Variants in PTPRG observed in about 807,000 individuals in gnomAD.
PTPRG encodes receptor-type tyrosine-protein phosphatase gamma.
PTPRG carries 102 observed loss-of-function variants against 165.3 expected under a neutral mutation model. The ratio of observed to expected loss-of-function variants is 0.62; its 90% CI spans 0.53 to 0.73. The LOEUF (loss-of-function observed/expected upper bound fraction) is 0.73. PTPRG is among the 30% of genes least tolerant of loss of function. The pLI is 0.00. For synonymous variants in PTPRG, 675 were observed against 669.5 expected (o/e 1.01, Z -0.13); for missense variants, 1,866 against 1,861.4 (o/e 1.00, Z -0.05).
At chr3:61,830,528 C>A (rs74571053) in intron 2 of PTPRG, among the ~76,000 whole-genome samples, 2 of 149,852 alleles carry the variant, frequency 1.3e-5, no homozygotes, top group East Asian at 1.9e-4. Context: ...CTTCGACTTA[C>A]GACTTACTTA....
intron 1 of PTPRG, among the ~76,000 whole-genome samples, chr3:61,678,841 C>T (rs1055635513): frequency 2.0e-5 from 3 of 151,936 alleles, no homozygotes; most frequent in Non-Finnish European, 4.4e-5. Context: ...ATTGTAATAC[C>T]CAATAGTCTC....
At chr3:61,849,350 G>A (rs994670956) in intron 2 of PTPRG, among the ~76,000 whole-genome samples, 2 of 152,114 alleles carry the variant, frequency 1.3e-5, no homozygotes, top group Non-Finnish European at 2.9e-5. Context: ...CCTGCAGCAT[G>A]GGAAATTTCA....
chr3:62,223,837 C>A (rs1385287858), intron 13 of PTPRG, among the ~76,000 whole-genome samples: 1 of 152,140 alleles, frequency 6.6e-6, no homozygotes, highest in Non-Finnish European at 1.5e-5. Flanking sequence ...TAAATGTCAT[C>A]ACATTGTATA....
chr3:61,686,709 T>C (rs1238124703), intron 1 of PTPRG, among the ~76,000 whole-genome samples: 5 of 152,210 alleles, frequency 3.3e-5, no homozygotes, highest in African/African-American at 7.2e-5. Context: ...TATGTGCAGA[T>C]GTTACAATCA....
At chr3:61,833,774 A>G (rs1420408682) in intron 2 of PTPRG, among the ~76,000 whole-genome samples, 1 of 152,108 alleles carries the variant, frequency 6.6e-6, no homozygotes, top group Non-Finnish European at 1.5e-5. Flanking sequence ...CATGTTGGCC[A>G]GGCTGGTTTC....
At chr3:61,833,755 G>C (rs1225008982) in intron 2 of PTPRG, among the ~76,000 whole-genome samples, 2 of 152,070 alleles carry the variant, frequency 1.3e-5, no homozygotes, top group African/African-American at 4.8e-5. Context: ...AGTAGAGACG[G>C]GGTTTCAGCA....
chr3:62,030,163 C>A (rs1341632586), intron 4 of PTPRG, among the ~76,000 whole-genome samples: 1 of 151,008 alleles, frequency 6.6e-6, no homozygotes, highest in Non-Finnish European at 1.5e-5. Flanking sequence ...TACATATACA[C>A]ACAGTTCTAA....
At chr3:61,857,732 CTGATGTTGAATGT>C (rs1167849436) in intron 2 of PTPRG, among the ~76,000 whole-genome samples, 2 of 152,124 alleles carry the variant, frequency 1.3e-5, no homozygotes, top group African/African-American at 4.8e-5. Context: ...TATTAGTATG[CTGATGTTGAATGT>C]TGGGTGTGTG....
chr3:62,077,898 T>A (rs1339076106), intron 4 of PTPRG, among the ~76,000 whole-genome samples: 2 of 151,110 alleles, frequency 1.3e-5, no homozygotes, highest in African/African-American at 4.9e-5. Flanking sequence ...GCTATTCGGC[T>A]GAGGCAGGAG....
Position 61,594,578 on chromosome 3 carries a change from G to A in PTPRG, c.85+32206G>A, listed in dbSNP as rs115868182. 1.2e-3 allele frequency among the ~76,000 whole-genome samples: 183 copies of A among 152,208 alleles called. 1 individual carries two copies. The highest frequency in any genetic ancestry group is 4.1e-3 in the African/African-American group (172 of 41,560). On this transcript the variant is annotated intron_variant, in intron 1 of 29. Transcript: ENST00000474889. ...CCTCCATCCAATCAGTTATTTCTGC[G>A]GAAGCACACCCAGGACTGATGATGT...
At chr3:61,768,550 T>A (rs2034107139) in intron 2 of PTPRG, among the ~76,000 whole-genome samples, 1 of 152,148 alleles carries the variant, frequency 6.6e-6, no homozygotes, top group Non-Finnish European at 1.5e-5. Context: ...TCTGGAACAT[T>A]AGTTGAGGAG....
At chr3:61,866,015 A>C (rs2037396215) in intron 2 of PTPRG, among the ~76,000 whole-genome samples, 1 of 152,164 alleles carries the variant, frequency 6.6e-6, no homozygotes, top group African/African-American at 2.4e-5. Flanking sequence ...TACAGATAGA[A>C]TCTTTAACTC....
chr3:62,271,571 C>G lies in PTPRG; in HGVS notation c.3182+16C>G, dbSNP rs1414599167. The G allele has an allele frequency of 6.2e-7, 1 of 1,606,106 alleles. No homozygotes were observed. The highest frequency in any genetic ancestry group is 8.5e-7 in the Non-Finnish European group (1 of 1,175,906). On this transcript the variant is annotated intron_variant, in intron 21 of 29. Coordinates refer to ENST00000474889, the MANE Select transcript of PTPRG (RefSeq NM_002841.4). The surrounding 1 kb of genome is among the most constrained non-coding windows in gnomAD (Gnocchi z 4.1). ...TGCACTGCAGGTAGGGTCTAGGATT[C>G]AACATGTGAAATAGATGGGGCAGGG...
At chr3:61,584,379 T>C (rs1700382756) in intron 1 of PTPRG, among the ~76,000 whole-genome samples, 1 of 152,192 alleles carries the variant, frequency 6.6e-6, no homozygotes, top group South Asian at 2.1e-4. Context: ...CTCCTTAGAG[T>C]GGAGGTCAGC....
chr3:62,090,697 G>T (rs1222270712), intron 5 of PTPRG, among the ~76,000 whole-genome samples: 1 of 152,200 alleles, frequency 6.6e-6, no homozygotes, highest in Non-Finnish European at 1.5e-5. Flanking sequence ...CTCTGCTCAT[G>T]TGTCAGCGCC....
chr3:62,088,532 C>G (rs1459907929), intron 5 of PTPRG, among the ~76,000 whole-genome samples: 1 of 152,184 alleles, frequency 6.6e-6, no homozygotes, highest in African/African-American at 2.4e-5. Flanking sequence ...TTTAAATCTG[C>G]CCTATTCCTA....
chr3:62,004,353 A>G (rs895603551), intron 4 of PTPRG, among the ~76,000 whole-genome samples: 4 of 152,204 alleles, frequency 2.6e-5, no homozygotes, highest in African/African-American at 9.7e-5. Flanking sequence ...TTGGATAAAC[A>G]TAGAAATTGA....
intron 5 of PTPRG, among the ~76,000 whole-genome samples, chr3:62,120,101 GT>G (rs112532438): frequency 4.0e-5 from 6 of 151,232 alleles, no homozygotes; most frequent in Admixed American, 6.6e-5. Context: ...AGTTTTTTGG[GT>G]TTTTTTTTAA....
intron 1 of PTPRG, among the ~76,000 whole-genome samples, chr3:61,606,251 C>G (rs1439315817): frequency 6.6e-6 from 1 of 152,160 alleles, no homozygotes; most frequent in Non-Finnish European, 1.5e-5. Context: ...AGGACTGAGG[C>G]CTCAGCTCCT....
Sources: gnomAD v4.1 joint callset for allele counts (sites outside exome capture counted in the v4.1 genomes callset) on GRCh38, gnomAD v4.1.1 for gene constraint, Gnocchi (gnomAD v3.1) non-coding constraint, MANE v1.5 for transcripts, NCBI Gene and HGNC (gene_info 2026-07-23, HGNC 2026-07-21) for gene names.